NCALD: variants seen among roughly 807,000 people sequenced by gnomAD.
NCALD encodes the protein neurocalcin-delta.
In NCALD, 10 loss-of-function variants were observed where a neutral mutation model predicts 18.6. The ratio of observed to expected loss-of-function variants is 0.54; its 90% CI spans 0.33 to 0.91. The LOEUF (loss-of-function observed/expected upper bound fraction) is 0.91, where lower values mean the gene tolerates loss of function less well. NCALD is among the 40% of genes least tolerant of loss of function. NCALD has a pLI of 0.03. For synonymous variants in NCALD, 88 were observed against 87.4 expected (o/e 1.01, Z -0.04); for missense variants, 184 against 247.6 (o/e 0.74, Z 1.72).
At chr8:101,861,547 TA>T (rs142350365) in intron 4 of NCALD, among the ~76,000 whole-genome samples, 3,687 of 147,874 alleles carry the variant, frequency 0.025, 177 homozygotes, top group African/African-American at 0.086. Flanking sequence ...TATGTGATAT[TA>T]AAAAAAAAAC....
intron 1 of NCALD, among the ~76,000 whole-genome samples, chr8:101,733,193 C>T (rs6993923): frequency 0.21 from 32,663 of 152,040 alleles, 3,849 homozygotes; most frequent in East Asian, 0.36. Context: ...ATCAAACTTA[C>T]GAAAATATTA....
chr8:101,902,070 C>A lies in NCALD; in HGVS notation c.-107+13739G>T, dbSNP rs191436098. On this transcript the variant is annotated intron_variant, in intron 3 of 6. Coordinates refer to the NCALD transcript ENST00000311028. Reference sequence around the variant, plus strand: ...CCTCCCAAAGTGCTGGGATTACAGGCGTGAGCCATCACACCCACTACATTC... The same window carrying A: ...CCTCCCAAAGTGCTGGGATTACAGGAGTGAGCCATCACACCCACTACATTC... Among the ~76,000 whole-genome samples, 33 of 152,326 alleles carry A rather than the reference C, an allele frequency of 2.2e-4. 1 individual carries two copies. Among genetic ancestry groups the A allele is most frequent in the Admixed American group, 2.0e-3 (30 of 15,300 alleles).
At chr8:101,943,720 C>T (rs1342407278) in intron 2 of NCALD, among the ~76,000 whole-genome samples, 2 of 151,882 alleles carry the variant, frequency 1.3e-5, no homozygotes, top group African/African-American at 4.8e-5. Flanking sequence ...GCGGGCGGAT[C>T]GCAAGGTCAG....
chr8:101,731,045 C>T (rs895299101), intron 1 of NCALD, among the ~76,000 whole-genome samples: 3 of 151,952 alleles, frequency 2.0e-5, no homozygotes, highest in African/African-American at 7.3e-5. Flanking sequence ...CAGGGAAGAC[C>T]CCACTGAGAA....
chr8:102,105,297 G>T (rs1297761701), intron 1 of NCALD, among the ~76,000 whole-genome samples: 10 of 152,168 alleles, frequency 6.6e-5, no homozygotes, highest in Non-Finnish European at 1.3e-4. Flanking sequence ...AAATGAGTTT[G>T]TACCAGAGAT....
intron 3 of NCALD, among the ~76,000 whole-genome samples, chr8:101,914,227 C>T (rs2131618250): frequency 6.6e-6 from 1 of 152,262 alleles, no homozygotes; most frequent in Admixed American, 6.5e-5. Flanking sequence ...TTGAGGGGTA[C>T]TAGTCAGATA....
intron 1 of NCALD, among the ~76,000 whole-genome samples, chr8:101,771,999 T>A (rs1037960077): frequency 2.0e-5 from 3 of 152,170 alleles, no homozygotes; most frequent in Non-Finnish European, 4.4e-5. Context: ...TACAGCTTCA[T>A]CTTGTGCCTC....
chr8:101,903,197 AT>A (rs5893589), intron 3 of NCALD, among the ~76,000 whole-genome samples: 42,885 of 140,556 alleles, frequency 0.31, 7,043 homozygotes, highest in African/African-American at 0.47. Flanking sequence ...ACTTTTAGGA[AT>A]TTTTTTTTTT....
chr8:102,009,931 G>A (rs1395348463), intron 2 of NCALD, among the ~76,000 whole-genome samples: 2 of 152,238 alleles, frequency 1.3e-5, no homozygotes, highest in African/African-American at 2.4e-5. Context: ...CACTTCAGGG[G>A]CACAGGCAAC....
chr8:101,736,008 T>G (rs973923526), intron 1 of NCALD, among the ~76,000 whole-genome samples: 1 of 152,214 alleles, frequency 6.6e-6, no homozygotes, highest in Non-Finnish European at 1.5e-5. Context: ...TTCCTCCTTG[T>G]GCCCTACACA....
chr8:101,997,704 T>C (rs917524876), intron 2 of NCALD, among the ~76,000 whole-genome samples: 1 of 152,240 alleles, frequency 6.6e-6, no homozygotes, highest in African/African-American at 2.4e-5. Flanking sequence ...TTTTCAGCTC[T>C]ATTTCTCTGA....
intron 3 of NCALD, among the ~76,000 whole-genome samples, chr8:101,912,395 C>A (rs987556037): frequency 6.6e-6 from 1 of 152,212 alleles, no homozygotes; most frequent in Admixed American, 6.5e-5. Flanking sequence ...TATTTTTGTG[C>A]AAATTTCCTC....
At chr8:101,945,065 T>C (rs139701479) in intron 2 of NCALD, among the ~76,000 whole-genome samples, 1 of 152,206 alleles carries the variant, frequency 6.6e-6, no homozygotes, top group African/African-American at 2.4e-5. Flanking sequence ...GTGACATCTG[T>C]TAAGAGGCCT....
At chr8:102,069,279 T>C (rs1428557882) in intron 1 of NCALD, among the ~76,000 whole-genome samples, 3 of 152,248 alleles carry the variant, frequency 2.0e-5, no homozygotes, top group South Asian at 4.1e-4. Context: ...ACATATATCA[T>C]ATTGTATCCC....
chr8:102,107,051 T>A (rs1461293899), intron 1 of NCALD, among the ~76,000 whole-genome samples: 1 of 151,608 alleles, frequency 6.6e-6, no homozygotes, highest in Admixed American at 6.6e-5. Context: ...TCCAAGTAAG[T>A]ACTATTTAAT....
At chr8:101,707,725 G>A (rs1048006592) in intron 2 of NCALD, among the ~76,000 whole-genome samples, 2 of 152,122 alleles carry the variant, frequency 1.3e-5, no homozygotes, top group Admixed American at 1.3e-4. Context: ...ATATGTAGCT[G>A]GGCATGGTAG....
rs560858039 is a variant in NCALD at position 101,727,189 on chromosome 8, A to G, written c.-19-7541T>C. On this transcript the variant is annotated intron_variant, in intron 1 of 3. Transcript: ENST00000220931. ...AGTGAAGAATACCATCTTCCACCCA[A>G]CTGCTCTCTCTAAAGCACTGAGGCT... Among the ~76,000 whole-genome samples, 13 of 152,256 alleles carry G rather than the reference A, an allele frequency of 8.5e-5. No individual in the cohort carries two copies. In the South Asian group the frequency reaches 2.3e-3, roughly 27 times the overall value.
chr8:101,854,691 G>T (rs1411633319), intron 4 of NCALD, among the ~76,000 whole-genome samples: 1 of 152,094 alleles, frequency 6.6e-6, no homozygotes, highest in Non-Finnish European at 1.5e-5. Flanking sequence ...AAAAAAATGG[G>T]ACTTATGCTG....
intron 4 of NCALD, among the ~76,000 whole-genome samples, chr8:101,813,570 CCCCCATTT>C (rs1329372772): frequency 6.6e-6 from 1 of 152,032 alleles, no homozygotes; most frequent in Non-Finnish European, 1.5e-5. Context: ...TAAAAATTTT[CCCCCATTT>C]CTAAAGGTAA....
Sources: allele counts gnomAD v4.1 joint callset (sites outside exome capture counted in the v4.1 genomes callset), GRCh38; gene constraint gnomAD v4.1.1; transcripts MANE v1.5; gene names NCBI Gene and HGNC (gene_info 2026-07-23, HGNC 2026-07-21).